The following PABPC4L variants were observed in gnomAD, a reference collection of about 807,000 sequenced individuals.
PABPC4L encodes the protein poly(A) binding protein cytoplasmic 4 like.
For synonymous variants in PABPC4L, 169 were observed against 164.1 expected (o/e 1.03, Z -0.23); for missense variants, 452 against 451.4 (o/e 1.00, Z -0.01).
At chr4:134,026,208 A>T in the PABPC4L span, among the ~76,000 whole-genome samples, 1 of 151,816 alleles carries the variant, frequency 6.6e-6, no homozygotes, top group Non-Finnish European at 1.5e-5. Flanking sequence ...AATAGCTGAA[A>T]TATTTAATGT....
the PABPC4L span, among the ~76,000 whole-genome samples, chr4:134,017,344 T>TTTTATTATTATTTATTA: frequency 6.6e-6 from 1 of 152,172 alleles, no homozygotes; most frequent in African/African-American, 2.4e-5. Flanking sequence ...AGATGCTCCT[T>TTTTATTATTATTTATTA]TTTATTAGGC....
At chr4:134,082,418 CA>C in the PABPC4L span, among the ~76,000 whole-genome samples, 1 of 152,054 alleles carries the variant, frequency 6.6e-6, no homozygotes, top group East Asian at 1.9e-4. Flanking sequence ...TAGTAAAGGT[CA>C]GCTATTCCAT....
At chr4:134,041,310 A>G in the PABPC4L span, among the ~76,000 whole-genome samples, 1 of 152,134 alleles carries the variant, frequency 6.6e-6, no homozygotes, top group African/African-American at 2.4e-5. Flanking sequence ...AATAGCAAAG[A>G]CTTGGAGCCA....
At chr4:134,183,983 G>A in the PABPC4L span, among the ~76,000 whole-genome samples, 1 of 151,654 alleles carries the variant, frequency 6.6e-6, no homozygotes, top group East Asian at 1.9e-4. Context: ...AACTTAACAA[G>A]TTGATTTCAT....
chr4:134,054,252 GTATA>G, the PABPC4L span, among the ~76,000 whole-genome samples: 19,059 of 93,264 alleles, frequency 0.2, 1,451 homozygotes, highest in South Asian at 0.25. Context: ...AGTTGTATAT[GTATA>G]TATATATATA....
the PABPC4L span, among the ~76,000 whole-genome samples, chr4:134,017,842 C>T: frequency 6.6e-6 from 1 of 152,096 alleles, no homozygotes; most frequent in Admixed American, 6.6e-5. Flanking sequence ...CCATGCCGCC[C>T]CTAATCCCGC....
At chr4:134,150,092 T>TG in the PABPC4L span, among the ~76,000 whole-genome samples, 1 of 151,188 alleles carries the variant, frequency 6.6e-6, no homozygotes, top group African/African-American at 2.4e-5. Flanking sequence ...TATGTCTTTT[T>TG]TTTTTTTTGA....
At chr4:134,188,802 C>A in the PABPC4L span, among the ~76,000 whole-genome samples, 1 of 151,920 alleles carries the variant, frequency 6.6e-6, no homozygotes, top group Non-Finnish European at 1.5e-5. Context: ...TTTTAATTAT[C>A]CTGCTCAGTG....
chr4:134,031,887 A>C, the PABPC4L span, among the ~76,000 whole-genome samples: 99 of 152,020 alleles, frequency 6.5e-4, 3 homozygotes, highest in South Asian at 0.018. Flanking sequence ...AATGAGGAGA[A>C]ATTGTTCTGT....
chr4:133,954,449 C>A, the PABPC4L span, among the ~76,000 whole-genome samples: 1 of 152,054 alleles, frequency 6.6e-6, no homozygotes, highest in East Asian at 1.9e-4. Context: ...GGCCAAAAGA[C>A]CAAAGACTTA....
chr4:134,118,876 C>G, the PABPC4L span, among the ~76,000 whole-genome samples: 5 of 151,738 alleles, frequency 3.3e-5, no homozygotes, highest in Non-Finnish European at 4.4e-5. Flanking sequence ...TAAACACAGA[C>G]TGAGGCAAAA....
the PABPC4L span, among the ~76,000 whole-genome samples, chr4:134,018,722 G>A: frequency 6.6e-6 from 1 of 151,520 alleles, no homozygotes; most frequent in Non-Finnish European, 1.5e-5. Flanking sequence ...CCTTTTTATT[G>A]GTGATCATAT....
the PABPC4L span, among the ~76,000 whole-genome samples, chr4:134,073,690 C>T: frequency 1.3e-5 from 2 of 152,336 alleles, no homozygotes; most frequent in South Asian, 4.1e-4. Flanking sequence ...TCTGCCTGCA[C>T]ATCCAAGCAT....
At chr4:134,117,493 T>C in the PABPC4L span, among the ~76,000 whole-genome samples, 1 of 151,804 alleles carries the variant, frequency 6.6e-6, no homozygotes, top group Non-Finnish European at 1.5e-5. Context: ...TGCAACCATT[T>C]GAGAGATCCT....
chr4:133,994,578 C>T, the PABPC4L span, among the ~76,000 whole-genome samples: 2 of 152,098 alleles, frequency 1.3e-5, no homozygotes, highest in Non-Finnish European at 2.9e-5. Flanking sequence ...TCTGGCCAGT[C>T]TTGATCACTA....
chr4:134,155,731 G>A, the PABPC4L span, among the ~76,000 whole-genome samples: 4 of 151,766 alleles, frequency 2.6e-5, no homozygotes, highest in Non-Finnish European at 4.4e-5. Flanking sequence ...TTATTTTATC[G>A]TTAACTACCA....
chr4:134,168,159 C>T, the PABPC4L span, among the ~76,000 whole-genome samples: 1 of 152,060 alleles, frequency 6.6e-6, no homozygotes, highest in Admixed American at 6.6e-5. Flanking sequence ...AATTAAACAA[C>T]ATTCTCTTGA....
the PABPC4L span, among the ~76,000 whole-genome samples, chr4:134,068,698 C>T: frequency 6.6e-6 from 1 of 151,768 alleles, no homozygotes; most frequent in Non-Finnish European, 1.5e-5. Flanking sequence ...CCCTTCAGTA[C>T]CTCTTTTAAG....
chr4:134,016,353 T>C, the PABPC4L span, among the ~76,000 whole-genome samples: 1 of 152,146 alleles, frequency 6.6e-6, no homozygotes, highest in Admixed American at 6.6e-5. Flanking sequence ...TACGCAAGGG[T>C]CCTCTATCAG....
Sources: gnomAD v4.1 joint callset for allele counts (sites outside exome capture counted in the v4.1 genomes callset) on GRCh38, gnomAD v4.1.1 for gene constraint, MANE v1.5 for transcripts, NCBI Gene and HGNC (gene_info 2026-07-23, HGNC 2026-07-21) for gene names.